NAALADL2: variants seen among roughly 807,000 people sequenced by gnomAD.
NAALADL2 encodes inactive N-acetylated-alpha-linked acidic dipeptidase-like protein 2.
In NAALADL2, 76 loss-of-function variants were observed where a neutral mutation model predicts 87.2. The observed-to-expected ratio is 0.87, with a 90% CI of 0.72 to 1.05. NAALADL2 has a LOEUF of 1.05. Among genes scored for constraint, NAALADL2 ranks in the 50% least tolerant of loss-of-function variants. NAALADL2 has a pLI of 0.00. For synonymous variants in NAALADL2, 354 were observed against 331.0 expected, an observed-to-expected ratio of 1.07 and a Z score of -0.75; for missense variants, 1,089 against 945.8, an observed-to-expected ratio of 1.15 and a Z score of -1.99.
chr3:175,107,166 T>C (rs1723308716), intron 2 of NAALADL2, among the ~76,000 whole-genome samples: 1 of 152,052 alleles, frequency 6.6e-6, no homozygotes, highest in Admixed American at 6.6e-5. Context: ...ATACATGGTA[T>C]CAAATGTTTG....
chr3:175,237,778 T>G (rs760036998), intron 3 of NAALADL2, among the ~76,000 whole-genome samples: 1 of 152,182 alleles, frequency 6.6e-6, no homozygotes, highest in Non-Finnish European at 1.5e-5. Context: ...GCCTTTTGTG[T>G]TGTTTTTCTG....
intron 4 of NAALADL2, among the ~76,000 whole-genome samples, chr3:175,312,520 C>G (rs1758513769): frequency 6.6e-6 from 1 of 151,716 alleles, no homozygotes; most frequent in African/African-American, 2.4e-5. Flanking sequence ...TCTTAGAAAG[C>G]AGATCACTGT....
At chr3:175,376,499 T>C (rs1767144532) in intron 5 of NAALADL2, among the ~76,000 whole-genome samples, 1 of 152,192 alleles carries the variant, frequency 6.6e-6, no homozygotes, top group African/African-American at 2.4e-5. Flanking sequence ...ATCTTTGTTT[T>C]CCTGTATGTG....
chr3:174,499,530 G>A (rs2108365416), intron 1 of NAALADL2, among the ~76,000 whole-genome samples: 1 of 152,080 alleles, frequency 6.6e-6, no homozygotes, highest in Non-Finnish European at 1.5e-5. Context: ...AGCTTTTCTT[G>A]TATGTATTAT....
rs1578582830 is a variant in NAALADL2 at position 174,697,663 on chromosome 3, A to C, written c.-114-39978A>C. 2.0e-5 allele frequency among the ~76,000 whole-genome samples: 3 copies of C among 152,194 alleles called. No individual in the cohort carries two copies. In the South Asian group the frequency reaches 6.2e-4, roughly 31 times the overall value. On this transcript the variant is annotated intron_variant, in intron 2 of 3. Transcript: ENST00000434257. Reference sequence around the variant, plus strand: ...GTGTTTATCATTTTTAAATTGTTTCAGTGACTCCCTTAAATACAATGCATC... The same window carrying C: ...GTGTTTATCATTTTTAAATTGTTTCCGTGACTCCCTTAAATACAATGCATC...
intron 5 of NAALADL2, among the ~76,000 whole-genome samples, chr3:175,427,971 A>G (rs1286960623): frequency 6.6e-6 from 1 of 152,108 alleles, no homozygotes; most frequent in East Asian, 1.9e-4. Context: ...TTAATACAGA[A>G]CATTTCTTTT....
intron 11 of NAALADL2, among the ~76,000 whole-genome samples, chr3:175,652,614 G>A (rs1039907196): frequency 6.6e-6 from 1 of 151,442 alleles, no homozygotes; most frequent in Non-Finnish European, 1.5e-5. Context: ...GAGTAGCTGG[G>A]ACTACAGGCG....
chr3:175,020,798 G>A (rs937367301), intron 1 of NAALADL2, among the ~76,000 whole-genome samples: 4 of 152,026 alleles, frequency 2.6e-5, no homozygotes, highest in Admixed American at 6.6e-5. Flanking sequence ...ACAATTTACC[G>A]TACTGGGCCC....
At chr3:174,844,408 T>C (rs1724361446) in intron 3 of NAALADL2, among the ~76,000 whole-genome samples, 1 of 152,218 alleles carries the variant, frequency 6.6e-6, no homozygotes. Flanking sequence ...GTGGTATATT[T>C]TGAAGTTAGG....
intron 5 of NAALADL2, among the ~76,000 whole-genome samples, chr3:175,439,740 CTT>C (rs35790625): frequency 4.6e-4 from 63 of 137,666 alleles, no homozygotes; most frequent in African/African-American, 1.6e-3. Context: ...TCTTTTTTTT[CTT>C]TTTTTGATGA....
chr3:174,636,703 G>A (rs1476896414), intron 2 of NAALADL2, among the ~76,000 whole-genome samples: 1 of 152,080 alleles, frequency 6.6e-6, no homozygotes, highest in African/African-American at 2.4e-5. Context: ...ACACACTGTT[G>A]AAGCAGATAT....
At chr3:174,453,371 C>T (rs544321565) in intron 1 of NAALADL2, among the ~76,000 whole-genome samples, 12 of 81,692 alleles carry the variant, frequency 1.5e-4, no homozygotes, top group Non-Finnish European at 2.5e-4. Context: ...TTGGGATATC[C>T]TCCATCTAGA....
At chr3:175,146,406 A>T (rs1481941189) in intron 2 of NAALADL2, among the ~76,000 whole-genome samples, 1 of 152,138 alleles carries the variant, frequency 6.6e-6, no homozygotes, top group Non-Finnish European at 1.5e-5. Flanking sequence ...TATTGTGCTT[A>T]TTTGAGTTTT....
chr3:174,519,126 C>A (rs1720107438), intron 1 of NAALADL2, among the ~76,000 whole-genome samples: 1 of 151,968 alleles, frequency 6.6e-6, no homozygotes, highest in Admixed American at 6.6e-5. Context: ...TTATTAGAAG[C>A]AATAATAATG....
At chr3:175,724,193 G>A (rs1253914359) in intron 11 of NAALADL2, among the ~76,000 whole-genome samples, 1 of 152,034 alleles carries the variant, frequency 6.6e-6, no homozygotes, top group Non-Finnish European at 1.5e-5. Flanking sequence ...TGGTTTAACT[G>A]GTCAACTATA....
intron 1 of NAALADL2, among the ~76,000 whole-genome samples, chr3:175,019,583 C>G (rs1751303548): frequency 6.6e-6 from 1 of 151,966 alleles, no homozygotes; most frequent in South Asian, 2.1e-4. Flanking sequence ...CATTCAAAAA[C>G]TGACCAAATG....
rs1721169887 is a variant in NAALADL2 at position 175,096,477 on chromosome 3, C to T, written c.44-313C>T. On this transcript the variant is annotated intron_variant, in intron 1 of 13. Coordinates refer to ENST00000454872, the MANE Select transcript of NAALADL2 (RefSeq NM_207015.3). Reference sequence around the variant, plus strand: ...TCATGACTGTTGTTATTCTCCTGAGCTTCAAAGATTAATGGGGCGTGTGTG... The same window carrying T: ...TCATGACTGTTGTTATTCTCCTGAGTTTCAAAGATTAATGGGGCGTGTGTG... Among the ~76,000 whole-genome samples, 4 of 149,150 alleles carry T rather than the reference C, an allele frequency of 2.7e-5. No homozygotes were observed. In the South Asian group the frequency reaches 8.5e-4, roughly 32 times the overall value.
chr3:174,784,238 C>T (rs541646666), intron 3 of NAALADL2, among the ~76,000 whole-genome samples: 2 of 152,074 alleles, frequency 1.3e-5, no homozygotes, highest in Admixed American at 1.3e-4. Context: ...GCCTTGAATC[C>T]AGATATTGGC....
chr3:175,478,941 C>T (rs551977821), intron 9 of NAALADL2, among the ~76,000 whole-genome samples: 2 of 151,878 alleles, frequency 1.3e-5, no homozygotes, highest in South Asian at 2.1e-4. Context: ...ATCATTAATG[C>T]TATCAATTAA....
Sources: allele counts gnomAD v4.1 joint callset (sites outside exome capture counted in the v4.1 genomes callset), GRCh38; gene constraint gnomAD v4.1.1; transcripts MANE v1.5; gene names NCBI Gene and HGNC (gene_info 2026-07-23, HGNC 2026-07-21).